Variants in PTPRN2 observed in about 807,000 individuals in gnomAD.
The protein encoded by PTPRN2 is receptor-type tyrosine-protein phosphatase N2.
Under a neutral mutation model 118.8 loss-of-function variants are expected in PTPRN2, and 74 were observed. The ratio of observed to expected loss-of-function variants is 0.62; its 90% CI spans 0.52 to 0.76. The LOEUF is 0.76. Among genes scored for constraint, PTPRN2 ranks in the 30% least tolerant of loss-of-function variants. The pLI is 0.00. For missense variants in PTPRN2, 1,481 were observed against 1,394.4 expected (o/e 1.06, Z -0.99); for synonymous variants, 641 against 608.0 (o/e 1.05, Z -0.80).
At chr7:158,458,908 C>A (rs1181701010) in intron 2 of PTPRN2, among the ~76,000 whole-genome samples, 1 of 152,190 alleles carries the variant, frequency 6.6e-6, no homozygotes, top group Non-Finnish European at 1.5e-5. Context: ...GAGGTGCACC[C>A]TCCACGCAGC....
chr7:158,204,190 G>C (rs1342459169), intron 4 of PTPRN2, among the ~76,000 whole-genome samples: 1 of 151,212 alleles, frequency 6.6e-6, no homozygotes, highest in Non-Finnish European at 1.5e-5. Flanking sequence ...GCCGCCCTCA[G>C]CGTGCGCCGT....
chr7:158,328,997 T>G (rs1377617885), intron 2 of PTPRN2, among the ~76,000 whole-genome samples: 7 of 142,006 alleles, frequency 4.9e-5, no homozygotes, highest in African/African-American at 1.1e-4. Context: ...TATGATGAGA[T>G]TGTGGGTGTG....
chr7:157,715,231 C>T (rs1213489067), intron 12 of PTPRN2, among the ~76,000 whole-genome samples: 2 of 152,158 alleles, frequency 1.3e-5, no homozygotes, highest in East Asian at 1.9e-4. Flanking sequence ...GAGTCCAGGC[C>T]GTGCGCCCAA....
chr7:158,010,750 T>C (rs552299799), intron 11 of PTPRN2, among the ~76,000 whole-genome samples: 2 of 152,378 alleles, frequency 1.3e-5, no homozygotes, highest in South Asian at 4.1e-4. Flanking sequence ...TAAAAAAGTA[T>C]TGTTTATTTC....
chr7:158,363,023 G>A (rs1170471494), intron 2 of PTPRN2, among the ~76,000 whole-genome samples: 7 of 152,204 alleles, frequency 4.6e-5, no homozygotes, highest in African/African-American at 1.4e-4. Flanking sequence ...ATGGAACAGA[G>A]GCGGCCCCAG....
Position 158,054,547 on chromosome 7 carries a change from C to T in PTPRN2, c.1723+26751G>A, listed in dbSNP as rs553684772. On this transcript the variant is annotated intron_variant, in intron 11 of 22. Coordinates refer to ENST00000389418, the MANE Select transcript of PTPRN2 (RefSeq NM_002847.5). ...CGGTTGATTATTCATGCAACGAACACGTCAGAACACCTTCAGGTGGCCCAT... is the reference window on the plus strand; with the variant it reads ...CGGTTGATTATTCATGCAACGAACATGTCAGAACACCTTCAGGTGGCCCAT... 3.3e-5 allele frequency among the ~76,000 whole-genome samples: 5 copies of T among 152,366 alleles called. No individual in the cohort carries two copies. In the South Asian group the frequency reaches 6.2e-4, roughly 19 times the overall value.
At chr7:157,976,369 G>A (rs1434943960) in intron 11 of PTPRN2, among the ~76,000 whole-genome samples, 4 of 152,140 alleles carry the variant, frequency 2.6e-5, no homozygotes, top group African/African-American at 9.7e-5. Flanking sequence ...TCCTAGCACC[G>A]GCTGGCACTC....
intron 5 of PTPRN2, among the ~76,000 whole-genome samples, chr7:158,175,403 C>T (rs1378284500): frequency 1.3e-5 from 2 of 152,102 alleles, no homozygotes; most frequent in African/African-American, 2.4e-5. Flanking sequence ...CTTTCTGTCT[C>T]GGGCCTTAGA....
chr7:157,952,805 C>A (rs1328553870), intron 11 of PTPRN2, among the ~76,000 whole-genome samples: 3 of 152,162 alleles, frequency 2.0e-5, no homozygotes, highest in Admixed American at 6.5e-5. Context: ...AAACCCAGAC[C>A]ACCGAATGCT....
intron 12 of PTPRN2, among the ~76,000 whole-genome samples, chr7:157,797,845 G>A (rs1038925264): frequency 9.2e-5 from 14 of 152,176 alleles, no homozygotes; most frequent in Non-Finnish European, 1.9e-4. Flanking sequence ...CTTGAATTCT[G>A]AGCCCATTCC....
chr7:157,970,636 A>ACCCCCC (rs10624378), intron 11 of PTPRN2, among the ~76,000 whole-genome samples: 1 of 111,502 alleles, frequency 9.0e-6, no homozygotes, highest in African/African-American at 3.5e-5. Flanking sequence ...CTCAGAGCGG[A>ACCCCCC]CCCCCCCCCC....
intron 1 of PTPRN2, among the ~76,000 whole-genome samples, chr7:158,521,895 A>AGTGG (rs1824126317): frequency 2.8e-5 from 1 of 35,348 alleles, no homozygotes; most frequent in Non-Finnish European, 5.6e-5. Flanking sequence ...CTGTCCAGGT[A>AGTGG]CTGGCTCAGG....
rs1285031316 is a variant in PTPRN2, at chr7:158,546,689, G to A, written c.112+40869C>T. 6.6e-6 allele frequency among the ~76,000 whole-genome samples: 1 copy of A among 152,208 alleles called. No homozygotes were observed. The highest frequency in any genetic ancestry group is 2.4e-5 in the African/African-American group (1 of 41,442). On this transcript the variant is annotated intron_variant, in intron 1 of 22. Coordinates refer to ENST00000389418, the MANE Select transcript of PTPRN2 (RefSeq NM_002847.5). This position sits in a 1 kb window ranked among gnomAD's most constrained non-coding sequence, Gnocchi z 5.0. ...AGAGGTGCTCTGAGGGTCTTAGGCA[G>A]AGCTGGCCATGCTTGCCTTGGTGAA...
At chr7:157,835,138 C>T (rs1807843980) in intron 12 of PTPRN2, among the ~76,000 whole-genome samples, 1 of 152,210 alleles carries the variant, frequency 6.6e-6, no homozygotes, top group African/African-American at 2.4e-5. Flanking sequence ...AGACAGGCCA[C>T]AGCGTCCTGA....
At chr7:157,854,235 A>G (rs548488256) in intron 12 of PTPRN2, among the ~76,000 whole-genome samples, 17 of 152,328 alleles carry the variant, frequency 1.1e-4, no homozygotes, top group African/African-American at 4.1e-4. Flanking sequence ...GCTGATGGCG[A>G]GACTGTCATC....
Position 157,898,741 on chromosome 7 carries a change from T to C in PTPRN2, c.1724-4A>G. ...TCCAGTTTGTCTTTGTTGTCAACTG[T>C]TAGGAAAAATCAGAAAGCACAAGAG... On this transcript the variant is annotated splice_polypyrimidine_tract_variant and splice_region_variant and intron_variant, in intron 11 of 22. Transcript: ENST00000389418. The C allele has an allele frequency of 6.3e-7, 1 of 1,599,036 alleles. No homozygotes were observed. Among genetic ancestry groups the C allele is most frequent in the East Asian group, 2.2e-5 (1 of 44,818 alleles).
intron 3 of PTPRN2, among the ~76,000 whole-genome samples, chr7:158,293,129 C>A (rs575523034): frequency 5.3e-5 from 8 of 152,164 alleles, no homozygotes; most frequent in African/African-American, 1.4e-4. Flanking sequence ...GCCTGCAGGA[C>A]TGAAATTTGC....
chr7:157,601,899 G>A (rs908350096), intron 16 of PTPRN2, among the ~76,000 whole-genome samples: 4 of 152,214 alleles, frequency 2.6e-5, no homozygotes, highest in Non-Finnish European at 4.4e-5. Context: ...ACGGTTTCGT[G>A]TTGCCAACTC....
intron 3 of PTPRN2, among the ~76,000 whole-genome samples, chr7:158,270,834 G>GGACCACCCCCCCCACCTGGACC (rs1228566587): frequency 2.6e-4 from 2 of 7,672 alleles, no homozygotes; most frequent in Non-Finnish European, 5.5e-4. Context: ...CCACCTGGAT[G>GGACCACCCCCCCCACCTGGACC]ACCCCCTCAC....
Sources: gnomAD v4.1 joint callset for allele counts (sites outside exome capture counted in the v4.1 genomes callset) on GRCh38, gnomAD v4.1.1 for gene constraint, Gnocchi (gnomAD v3.1) non-coding constraint, MANE v1.5 for transcripts, NCBI Gene and HGNC (gene_info 2026-07-23, HGNC 2026-07-21) for gene names.